Variants in LARGE1 observed in about 807,000 individuals in gnomAD.
The protein encoded by LARGE1 is xylosyl- and glucuronyltransferase LARGE1.
LARGE1 carries 43 observed loss-of-function variants against 87.6 expected under a neutral mutation model. The observed-to-expected ratio is 0.49, with a 90% CI of 0.38 to 0.63. The LOEUF (loss-of-function observed/expected upper bound fraction) is 0.63, where lower values mean the gene tolerates loss of function less well. Among genes scored for constraint, LARGE1 ranks in the 30% least tolerant of loss-of-function variants. The probability of loss-of-function intolerance (pLI) is 0.00; values close to 1 mark genes in which losing one functional copy is unlikely to be tolerated. For synonymous variants in LARGE1, 434 were observed against 394.6 expected, an observed-to-expected ratio of 1.10 and a Z score of -1.18; for missense variants, 802 against 1,000.2, an observed-to-expected ratio of 0.80 and a Z score of 2.67.
At chr22:33,588,069 T>C (rs2078729500) in intron 5 of LARGE1, among the ~76,000 whole-genome samples, 1 of 152,218 alleles carries the variant, frequency 6.6e-6, no homozygotes, top group Non-Finnish European at 1.5e-5. Context: ...GAATCCTCCG[T>C]GCTGAATGAA....
chr22:33,209,311 T>C (rs1228267393), intron 11 of LARGE1, among the ~76,000 whole-genome samples: 1 of 152,188 alleles, frequency 6.6e-6, no homozygotes, highest in Non-Finnish European at 1.5e-5. Context: ...AATGCAAAGG[T>C]AGGAGGTAGC....
chr22:33,791,881 T>C (rs1013596242), intron 1 of LARGE1, among the ~76,000 whole-genome samples: 5 of 152,142 alleles, frequency 3.3e-5, no homozygotes, highest in African/African-American at 1.2e-4. Context: ...AAAAAGAAAT[T>C]TTTATGTGTC....
intron 6 of LARGE1, among the ~76,000 whole-genome samples, chr22:33,518,500 A>G (rs933997104): frequency 2.0e-5 from 3 of 152,080 alleles, no homozygotes; most frequent in Non-Finnish European, 2.9e-5. Flanking sequence ...GCAGAGATGG[A>G]GTTTCACCAT....
chr22:33,203,780 G>A (rs1033320443), intron 11 of LARGE1, among the ~76,000 whole-genome samples: 2 of 152,122 alleles, frequency 1.3e-5, no homozygotes, highest in East Asian at 3.9e-4. Flanking sequence ...GAAAGCCCAC[G>A]CCTCTCAGAG....
the LARGE1 span, among the ~76,000 whole-genome samples, chr22:33,136,945 A>C: frequency 1.3e-5 from 2 of 152,134 alleles, no homozygotes; most frequent in South Asian, 4.2e-4. Flanking sequence ...AAAAAAAAAA[A>C]TAAACTGGAG....
At chr22:33,864,897 A>G (rs985853570) in intron 1 of LARGE1, among the ~76,000 whole-genome samples, 2 of 152,132 alleles carry the variant, frequency 1.3e-5, no homozygotes, top group Non-Finnish European at 1.5e-5. Flanking sequence ...GCAGGCCTCT[A>G]TCTCTCGCTC....
At chr22:33,564,821 G>C (rs901653142) in intron 6 of LARGE1, 27 bp downstream of exon 6, 12 of 1,613,420 alleles carry the variant, frequency 7.4e-6, no homozygotes, top group Non-Finnish European at 9.3e-6. Flanking sequence ...AAGGATATCG[G>C]GGAAAAAACG....
At chr22:33,368,927 G>A (rs1236401951) in intron 9 of LARGE1, among the ~76,000 whole-genome samples, 5 of 152,126 alleles carry the variant, frequency 3.3e-5, no homozygotes, top group Non-Finnish European at 7.3e-5. Context: ...CCTTTTGCTG[G>A]TGGAGGGTCC....
chr22:33,566,931 T>A (rs1256142029), intron 5 of LARGE1, among the ~76,000 whole-genome samples: 2 of 152,272 alleles, frequency 1.3e-5, no homozygotes, highest in East Asian at 3.9e-4. Context: ...GCTTCACCTC[T>A]CATCAATTTC....
intron 2 of LARGE1, among the ~76,000 whole-genome samples, chr22:33,677,066 C>T (rs560858592): frequency 2.0e-5 from 3 of 152,252 alleles, no homozygotes; most frequent in South Asian, 2.1e-4. Flanking sequence ...CAGAGACCTT[C>T]GACCATTTGC....
chr22:33,791,841 G>C (rs995181612), intron 1 of LARGE1, among the ~76,000 whole-genome samples: 4 of 152,116 alleles, frequency 2.6e-5, no homozygotes, highest in Non-Finnish European at 4.4e-5. Flanking sequence ...ATCATCCTAG[G>C]AAAAATACTC....
At chr22:33,244,760 A>G (rs1462508492) in intron 11 of LARGE1, among the ~76,000 whole-genome samples, 1 of 152,152 alleles carries the variant, frequency 6.6e-6, no homozygotes, top group Non-Finnish European at 1.5e-5. Context: ...TGAAATAATT[A>G]CAAGAAAGGA....
intron 7 of LARGE1, among the ~76,000 whole-genome samples, chr22:33,387,291 G>C (rs1382197546): frequency 1.6e-5 from 2 of 124,804 alleles, no homozygotes; most frequent in African/African-American, 5.3e-5. Context: ...GCCGGGTGTG[G>C]TGGTGCACGC....
At chr22:33,315,875 G>C (rs757511078) in intron 11 of LARGE1, among the ~76,000 whole-genome samples, 12 of 152,086 alleles carry the variant, frequency 7.9e-5, no homozygotes, top group Admixed American at 2.6e-4. Context: ...TGATCTGCCT[G>C]CCTGGGGCTC....
At chr22:33,604,188 C>A (rs1024734221) in intron 5 of LARGE1, among the ~76,000 whole-genome samples, 15 of 152,314 alleles carry the variant, frequency 9.8e-5, no homozygotes, top group East Asian at 1.9e-4. Context: ...CAGGCCAATG[C>A]TCTCCAGCGT....
At chr22:33,566,416 T>C (rs1186152344) in intron 5 of LARGE1, among the ~76,000 whole-genome samples, 1 of 152,124 alleles carries the variant, frequency 6.6e-6, no homozygotes, top group East Asian at 1.9e-4. Context: ...TTCACCCAAA[T>C]CTATGCAAAG....
chr22:33,141,353 T>C, the LARGE1 span, among the ~76,000 whole-genome samples: 2 of 152,174 alleles, frequency 1.3e-5, no homozygotes, highest in Non-Finnish European at 2.9e-5. Context: ...AGAAGTTACA[T>C]ATCACTGAGA....
rs776583343 is a variant in LARGE1, at chr22:33,829,006, C to CTTTTTTTT, written c.-82-67456_-82-67449dup. On this transcript the variant is annotated intron_variant, in intron 1 of 14. Coordinates refer to ENST00000397394, the MANE Select transcript of LARGE1 (RefSeq NM_133642.5). Reference sequence around the variant, plus strand: ...GAGATGCTTTGTGAAGTCTCTTTTTCTTTTTTTTTTTTTTTTTTTTTTGAG... The same window carrying CTTTTTTTT: ...GAGATGCTTTGTGAAGTCTCTTTTTCTTTTTTTTTTTTTTTTTTTTTTTTTTTTTTGAG... Among the ~76,000 whole-genome samples, 236 of 94,646 alleles carry CTTTTTTTT rather than the reference C, an allele frequency of 2.5e-3. 2 individuals carry two copies. The highest frequency in any genetic ancestry group is 3.0e-3 in the Non-Finnish European group (145 of 49,110). 62.1% of individuals were successfully genotyped at this position (94,646 alleles called of 152,430 possible).
At chr22:33,599,634 T>G (rs1251304435) in intron 5 of LARGE1, among the ~76,000 whole-genome samples, 1 of 152,214 alleles carries the variant, frequency 6.6e-6, no homozygotes, top group Non-Finnish European at 1.5e-5. Context: ...TTTTTAATCA[T>G]GCACCAATCC....
Sources: gnomAD v4.1 joint callset for allele counts (sites outside exome capture counted in the v4.1 genomes callset) on GRCh38, gnomAD v4.1.1 for gene constraint, MANE v1.5 for transcripts, NCBI Gene and HGNC (gene_info 2026-07-23, HGNC 2026-07-21) for gene names.